The following ETV6 variants were observed in gnomAD, a reference collection of about 807,000 sequenced individuals.
ETV6 encodes the protein transcription factor ETV6.
In ETV6, 16 loss-of-function variants were observed where a neutral mutation model predicts 51.1. That is an observed-to-expected ratio of 0.31 (90% confidence interval 0.21 to 0.48). The LOEUF is 0.48. Among genes scored for constraint, ETV6 ranks in the 20% least tolerant of loss-of-function variants. ETV6 has a pLI of 0.99. For synonymous variants in ETV6, 240 were observed against 224.1 expected, an observed-to-expected ratio of 1.07 and a Z score of -0.64; for missense variants, 458 against 594.8, an observed-to-expected ratio of 0.77 and a Z score of 2.39.
rs1945950131 is a variant in ETV6 at position 11,813,848 on chromosome 12, A to G, written c.164-25292A>G. On this transcript the variant is annotated intron_variant, in intron 2 of 7. Coordinates refer to ENST00000396373, the MANE Select transcript of ETV6 (RefSeq NM_001987.5). ...GGTTCGAGGCCAGGGCCGTGGACAT[A>G]GGATTAACCACAATAATAATACAAT... 2.0e-5 allele frequency among the ~76,000 whole-genome samples: 3 copies of G among 152,248 alleles called. No individual in the cohort carries two copies. In the South Asian group the frequency reaches 6.2e-4, roughly 31 times the overall value.
At chr12:11,829,044 C>T (rs892435727) in intron 2 of ETV6, among the ~76,000 whole-genome samples, 1 of 152,040 alleles carries the variant, frequency 6.6e-6, no homozygotes. Flanking sequence ...GGCTGTTTTC[C>T]GCAACCCCAC....
Position 11,893,876 on chromosome 12 carries a change from A to C in ETV6, c.*2830A>C, listed in dbSNP as rs1947347697. On this transcript the variant is annotated 3_prime_UTR_variant, in exon 8 of 8. Transcript: ENST00000396373. The stretch of plus-strand genomic sequence containing the variant: ...CACACATACACAAATATTCCAGGAT[A>C]CAAAAAAAAACATTTAAAAATCCGA... The C allele has an allele frequency of 5.6e-6, 1 of 179,934 alleles. No individual in the cohort carries two copies. The highest frequency in any genetic ancestry group is 2.5e-5 in the African/African-American group (1 of 40,468). The allele number at this position is 179,934 out of a possible 1,614,324, so 11.1% of individuals were successfully genotyped here. A position where few individuals can be genotyped will look rare whatever the true frequency, so the allele number is the denominator to read the frequency against.
chr12:11,672,317 G>T (rs747028736), intron 1 of ETV6, among the ~76,000 whole-genome samples: 3 of 152,256 alleles, frequency 2.0e-5, no homozygotes, highest in Non-Finnish European at 4.4e-5. Flanking sequence ...GCTAGGATGA[G>T]CTCAAAGCAT....
intron 4 of ETV6, among the ~76,000 whole-genome samples, chr12:11,865,330 T>G (rs1187642167): frequency 6.6e-6 from 1 of 151,976 alleles, no homozygotes; most frequent in Non-Finnish European, 1.5e-5. Context: ...TCATATCACT[T>G]GAAAACTAGT....
intron 3 of ETV6, among the ~76,000 whole-genome samples, chr12:11,850,271 G>A (rs907398239): frequency 2.1e-4 from 32 of 152,210 alleles, no homozygotes; most frequent in African/African-American, 7.0e-4. Flanking sequence ...AGTATGGGAG[G>A]CTGAAGCAAG....
intron 1 of ETV6, among the ~76,000 whole-genome samples, chr12:11,743,824 A>C (rs1462518019): frequency 6.6e-6 from 1 of 152,184 alleles, no homozygotes; most frequent in East Asian, 1.9e-4. Context: ...CAAGACTTCC[A>C]GGATATAGCC....
chr12:11,744,988 TAAAG>T (rs1310597251), intron 1 of ETV6, among the ~76,000 whole-genome samples: 1 of 152,046 alleles, frequency 6.6e-6, no homozygotes, highest in Non-Finnish European at 1.5e-5. Context: ...ATGGGAACAA[TAAAG>T]AAGTCGATTT....
At chr12:11,875,994 C>T (rs1000729731) in intron 5 of ETV6, among the ~76,000 whole-genome samples, 4 of 152,082 alleles carry the variant, frequency 2.6e-5, no homozygotes, top group Non-Finnish European at 5.9e-5. Context: ...ACATTGTGTA[C>T]GTGGTGGTCA....
intron 1 of ETV6, among the ~76,000 whole-genome samples, chr12:11,672,435 A>C (rs796227075): frequency 9.2e-5 from 14 of 152,250 alleles, no homozygotes; most frequent in African/African-American, 3.4e-4. Flanking sequence ...TAAAACCACA[A>C]ATATCTGCAC....
chr12:11,762,294 A>G (rs190728076), intron 2 of ETV6, among the ~76,000 whole-genome samples: 81 of 152,292 alleles, frequency 5.3e-4, no homozygotes, highest in African/African-American at 1.9e-3. Flanking sequence ...CCTTTGCCCC[A>G]TGCAACATGC....
chr12:11,797,651 T>C (rs1565530178), intron 2 of ETV6, among the ~76,000 whole-genome samples: 2 of 152,116 alleles, frequency 1.3e-5, no homozygotes. Context: ...CCAAGCTTCC[T>C]CTTGATAAAG....
intron 4 of ETV6, among the ~76,000 whole-genome samples, chr12:11,860,407 C>T (rs1946698711): frequency 6.6e-6 from 1 of 152,124 alleles, no homozygotes; most frequent in African/African-American, 2.4e-5. Flanking sequence ...GGGTTCTAAT[C>T]CCAGCTCCCC....
Position 11,891,349 on chromosome 12 carries a change from A to C in ETV6, c.*303A>C, listed in dbSNP as rs1182913745. The C allele has an allele frequency of 5.4e-6, 2 of 368,630 alleles. No individual in the cohort carries two copies. Among genetic ancestry groups the C allele is most frequent in the African/African-American group, 2.1e-5 (1 of 48,346 alleles). The allele number at this position is 368,630 out of a possible 1,614,324, so 22.8% of individuals were successfully genotyped here. A position where few individuals can be genotyped will look rare whatever the true frequency, so the allele number is the denominator to read the frequency against. ...CCCTCACCCTTCCACCGTTGTTAGT[A>C]TCATGGTGTTTTTGTTTTTGTTTTT... On this transcript the variant is annotated 3_prime_UTR_variant, in exon 8 of 8. Coordinates refer to ENST00000396373, the MANE Select transcript of ETV6 (RefSeq NM_001987.5).
intron 5 of ETV6, among the ~76,000 whole-genome samples, chr12:11,883,276 C>CCTTTTTTT (rs1947129956): frequency 2.5e-5 from 2 of 79,114 alleles, no homozygotes; most frequent in African/African-American, 1.5e-4. Flanking sequence ...ATGTCTTCTT[C>CCTTTTTTT]TTTTTTTTTT....
chr12:11,686,622 G>A (rs1864634040), intron 1 of ETV6, among the ~76,000 whole-genome samples: 1 of 152,136 alleles, frequency 6.6e-6, no homozygotes, highest in Non-Finnish European at 1.5e-5. Context: ...CTGCCTCCCA[G>A]GTTCAAGTCA....
chr12:11,713,061 A>G (rs116650638), intron 1 of ETV6, among the ~76,000 whole-genome samples: 8,208 of 152,164 alleles, frequency 0.054, 699 homozygotes, highest in African/African-American at 0.19. Context: ...AGAAGAAGGG[A>G]GAATGACCAG....
intron 5 of ETV6, among the ~76,000 whole-genome samples, chr12:11,871,950 G>A (rs994149031): frequency 7.9e-5 from 12 of 152,210 alleles, no homozygotes; most frequent in African/African-American, 2.9e-4. Flanking sequence ...ATTGGAGAAG[G>A]AGGATGAGGT....
chr12:11,794,945 CTTGTT>C (rs1468472197), intron 2 of ETV6, among the ~76,000 whole-genome samples: 1 of 152,208 alleles, frequency 6.6e-6, no homozygotes, highest in Non-Finnish European at 1.5e-5. Context: ...TCTTACATGT[CTTGTT>C]TTGTGACCGT....
chr12:11,839,342 A>G (rs752727021), intron 3 of ETV6, 38 bp downstream of exon 3: 1 of 1,585,398 alleles, frequency 6.3e-7, no homozygotes, highest in Non-Finnish European at 8.6e-7. Flanking sequence ...CCAACTTGGA[A>G]AGTCTCTTAG....
Sources: allele counts gnomAD v4.1 joint callset (sites outside exome capture counted in the v4.1 genomes callset), GRCh38; gene constraint gnomAD v4.1.1; transcripts MANE v1.5; gene names NCBI Gene and HGNC (gene_info 2026-07-23, HGNC 2026-07-21).